Variants in SEC14L1 observed in about 807,000 individuals in gnomAD.
The protein encoded by SEC14L1 is SEC14 like lipid binding 1.
SEC14L1 carries 48 observed loss-of-function variants against 85.3 expected under a neutral mutation model. That is an observed-to-expected ratio of 0.56 (90% CI 0.45 to 0.72). The LOEUF (loss-of-function observed/expected upper bound fraction) is 0.72. Among genes scored for constraint, SEC14L1 ranks in the 30% least tolerant of loss-of-function variants. The probability of loss-of-function intolerance (pLI) is 0.00; values close to 1 mark genes in which losing one functional copy is unlikely to be tolerated. For missense variants in SEC14L1, 682 were observed against 921.4 expected (o/e 0.74, Z 3.36); for synonymous variants, 391 against 355.5 (o/e 1.10, Z -1.12).
chr17:77,204,522 CTTTTTTTT>C (rs745921636), intron 10 of SEC14L1, among the ~76,000 whole-genome samples: 880 of 84,730 alleles, frequency 0.01, 9 homozygotes, highest in African/African-American at 0.033. Context: ...GCCCAGCCAG[CTTTTTTTT>C]TTTTTTTTTT....
At chr17:77,150,241 A>G (rs1323384063) in intron 3 of SEC14L1, among the ~76,000 whole-genome samples, 4 of 152,302 alleles carry the variant, frequency 2.6e-5, no homozygotes, top group African/African-American at 9.6e-5. Flanking sequence ...GAGGCCAGGT[A>G]CAAACCTGTG....
intron 9 of SEC14L1, among the ~76,000 whole-genome samples, chr17:77,202,842 C>G (rs984733603): frequency 6.6e-6 from 1 of 151,776 alleles, no homozygotes; most frequent in Non-Finnish European, 1.5e-5. Flanking sequence ...ATTGCTTGAA[C>G]CTGCAGGCAG....
intron 5 of SEC14L1, 134 bp downstream of exon 5, chr17:77,191,446 CAT>C (rs1567921223): frequency 2.0e-6 from 2 of 981,890 alleles, no homozygotes; most frequent in East Asian, 2.4e-5. Flanking sequence ...ACTCATTTCT[CAT>C]GTGTAGGAGG....
intron 3 of SEC14L1, among the ~76,000 whole-genome samples, chr17:77,150,511 C>CT (rs1356891190): frequency 6.6e-6 from 1 of 152,166 alleles, no homozygotes; most frequent in African/African-American, 2.4e-5. Flanking sequence ...TATTGAAGCT[C>CT]TTTCATCCAT....
intron 9 of SEC14L1, among the ~76,000 whole-genome samples, chr17:77,202,689 G>A (rs2143129937): frequency 6.6e-6 from 1 of 152,226 alleles, no homozygotes; most frequent in African/African-American, 2.4e-5. Flanking sequence ...GGAGGCGGAG[G>A]CAGGCGGATT....
Position 77,215,721 on chromosome 17 carries a change from T to C in SEC14L1, c.*1698T>C. The C allele has an allele frequency of 1.0e-6, 1 of 991,658 alleles. No individual in the cohort carries two copies. The highest frequency in any genetic ancestry group is 1.2e-6 in the Non-Finnish European group (1 of 833,648). The allele number at this position is 991,658 out of a possible 1,614,324, so 61.4% of individuals were successfully genotyped here. On this transcript the variant is annotated 3_prime_UTR_variant, in exon 17 of 17. Coordinates refer to ENST00000436233, the MANE Select transcript of SEC14L1 (RefSeq NM_001143998.2). ...TTTGCTTCCGGAAAGCGCGGTAGGG[T>C]TCGTAGGTAGGGCTAGTAGGTAGGG...
intron 8 of SEC14L1, among the ~76,000 whole-genome samples, chr17:77,197,169 G>A (rs891195028): frequency 6.6e-6 from 1 of 152,214 alleles, no homozygotes; most frequent in South Asian, 2.1e-4. Context: ...CACGTCAGTA[G>A]GCCACATGCT....
At chr17:77,111,432 G>C (rs188092873) in intron 3 of SEC14L1, among the ~76,000 whole-genome samples, 1,600 of 148,284 alleles carry the variant, frequency 0.011, 18 homozygotes, top group Non-Finnish European at 0.015. Flanking sequence ...TCGCTTTGTC[G>C]CCCAGGTTGG....
chr17:77,102,419 A>G (rs984298755), intron 3 of SEC14L1, among the ~76,000 whole-genome samples: 1 of 152,226 alleles, frequency 6.6e-6, no homozygotes, highest in Non-Finnish European at 1.5e-5. Context: ...AAAGCTGTAT[A>G]CACTTTTGAA....
chr17:77,102,332 C>T (rs1971796998), intron 3 of SEC14L1, among the ~76,000 whole-genome samples: 2 of 152,144 alleles, frequency 1.3e-5, no homozygotes, highest in South Asian at 4.1e-4. Flanking sequence ...GATTACAGTT[C>T]ACGTGGGTGG....
rs77537226 is a variant in SEC14L1 at position 77,162,860 on chromosome 17, T to C, written c.63+19201T>C. ...AAAAAAAATGTGTTGTGGATTCTCA[T>C]AGTCATGTTTTCTTTTTCATGAAGG... is the stretch of plus-strand genomic sequence containing the variant. On this transcript the variant is annotated intron_variant, in intron 3 of 16. Transcript: ENST00000436233. Among the ~76,000 whole-genome samples, 1,190 of 151,994 alleles carry C rather than the reference T, an allele frequency of 7.8e-3. 20 individuals carry two copies. Among genetic ancestry groups the C allele is most frequent in the African/African-American group, 0.027 (1,112 of 41,432 alleles).
At chr17:77,143,767 A>G in intron 3 of SEC14L1, 108 bp downstream of exon 3, 1 of 777,146 alleles carries the variant, frequency 1.3e-6, no homozygotes, top group Non-Finnish European at 2.2e-6. Flanking sequence ...CATCACTTGA[A>G]CTTACTCTGT....
intron 3 of SEC14L1, among the ~76,000 whole-genome samples, chr17:77,135,496 TTCTC>T (rs900325000): frequency 3.9e-5 from 6 of 151,958 alleles, no homozygotes; most frequent in South Asian, 2.1e-4. Context: ...CTCTTTGTCT[TTCTC>T]TCTTTCTTTC....
Position 77,213,289 on chromosome 17 carries a change from G to T in SEC14L1, c.1864-25G>T. ...AGGGGTCGGAAGCGAGTCGCCCTCA[G>T]CTGCCACTGCCCTACTTGTTCTAGG... On this transcript the variant is annotated intron_variant, in intron 15 of 16. Transcript: ENST00000436233. The surrounding 1 kb of genome is among the most constrained non-coding windows in gnomAD (Gnocchi z 7.1). 6.3e-7 allele frequency: 1 copy of T among 1,580,104 alleles called. No individual in the cohort carries two copies.
At chr17:77,162,657 AC>A (rs937112808) in intron 3 of SEC14L1, among the ~76,000 whole-genome samples, 1 of 151,902 alleles carries the variant, frequency 6.6e-6, no homozygotes, top group Non-Finnish European at 1.5e-5. Context: ...ACATGGAGAA[AC>A]CCGTCTCTAC....
chr17:77,121,427 C>G (rs1051639834), intron 3 of SEC14L1, among the ~76,000 whole-genome samples: 1 of 152,124 alleles, frequency 6.6e-6, no homozygotes, highest in Non-Finnish European at 1.5e-5. Context: ...GGCACTATCT[C>G]GGCTCACTGT....
intron 10 of SEC14L1, 69 bp downstream of exon 10, chr17:77,203,727 G>A (rs999434845): frequency 2.5e-6 from 3 of 1,199,350 alleles, no homozygotes; most frequent in Non-Finnish European, 3.6e-6. Context: ...AGTAGGATTG[G>A]GGTGTTAACC....
At chr17:77,106,129 C>T (rs1373508302) in intron 3 of SEC14L1, among the ~76,000 whole-genome samples, 1 of 152,174 alleles carries the variant, frequency 6.6e-6, no homozygotes. Context: ...CATGGTGGCT[C>T]TCGCCTGTAA....
upstream of SEC14L1, among the ~76,000 whole-genome samples, chr17:77,136,358 TTTTC>T (rs1405171195): frequency 5.7e-4 from 87 of 151,646 alleles, no homozygotes; most frequent in African/African-American, 1.7e-3. Flanking sequence ...TCTCTTTCTT[TTTTC>T]TTTCTTTCTC....
Sources: allele counts gnomAD v4.1 joint callset (sites outside exome capture counted in the v4.1 genomes callset), GRCh38; gene constraint gnomAD v4.1.1; non-coding constraint Gnocchi (gnomAD v3.1); transcripts MANE v1.5; gene names NCBI Gene and HGNC (gene_info 2026-07-23, HGNC 2026-07-21).